MYO6: variants seen among roughly 807,000 people sequenced by gnomAD.
The protein encoded by MYO6 is myosin VI.
Under a neutral mutation model 178.7 loss-of-function variants are expected in MYO6, and 74 were observed. The ratio of observed to expected loss-of-function variants is 0.41; its 90% CI spans 0.34 to 0.50. MYO6 has a LOEUF of 0.50. Ranked by LOEUF, MYO6 falls within the 20% of genes least tolerant of loss-of-function variation. The pLI, the probability that MYO6 is intolerant of heterozygous loss-of-function variation, is 0.09. For missense variants in MYO6, 1,330 were observed against 1,547.4 expected (o/e 0.86, Z 2.36); for synonymous variants, 477 against 504.6 (o/e 0.95, Z 0.73).
At chr6:75,802,049 A>C (rs1341015492) in intron 1 of MYO6, among the ~76,000 whole-genome samples, 1 of 152,246 alleles carries the variant, frequency 6.6e-6, no homozygotes, top group Non-Finnish European at 1.5e-5. Flanking sequence ...GATTCAAGAA[A>C]TGAAAAATTT....
intron 11 of MYO6, among the ~76,000 whole-genome samples, chr6:75,854,936 TC>T (rs1775605304): frequency 6.6e-6 from 1 of 152,136 alleles, no homozygotes; most frequent in East Asian, 1.9e-4. Flanking sequence ...ACCATGGACT[TC>T]CCCAAGGGAG....
chr6:75,898,274 T>A, intron 29 of MYO6, 99 bp from the exon 30 acceptor site: 1 of 773,958 alleles, frequency 1.3e-6, no homozygotes, highest in Non-Finnish European at 2.1e-6. Context: ...TGTTAAATAA[T>A]ATTGAAAATA....
At chr6:75,904,289 G>A (rs1780081650) in intron 30 of MYO6, among the ~76,000 whole-genome samples, 1 of 150,034 alleles carries the variant, frequency 6.7e-6, no homozygotes, top group African/African-American at 2.4e-5. Flanking sequence ...TGCTAGATTG[G>A]GTAAGTTCTC....
chr6:75,898,487 C>G (rs936868869), intron 30 of MYO6, 76 bp downstream of exon 30: 133 of 1,245,964 alleles, frequency 1.1e-4, no homozygotes, highest in Non-Finnish European at 1.5e-4. Flanking sequence ...ATTATTTGGA[C>G]CAGAACCTGT....
At chr6:75,813,181 A>C (rs1415618401) in intron 1 of MYO6, among the ~76,000 whole-genome samples, 1 of 152,140 alleles carries the variant, frequency 6.6e-6, no homozygotes, top group Non-Finnish European at 1.5e-5. Flanking sequence ...CAGGGCCTGG[A>C]ATCAAGAACC....
At chr6:75,775,336 C>A (rs1401601293) in intron 1 of MYO6, among the ~76,000 whole-genome samples, 2 of 152,172 alleles carry the variant, frequency 1.3e-5, no homozygotes, top group Admixed American at 1.3e-4. Flanking sequence ...TGCAGGTCAC[C>A]TCTGGGTCAA....
chr6:75,862,171 G>A (rs1776263762), intron 15 of MYO6, among the ~76,000 whole-genome samples: 1 of 152,346 alleles, frequency 6.6e-6, no homozygotes, highest in South Asian at 2.1e-4. Context: ...AAAATGTGTT[G>A]TTACAGATTT....
chr6:75,850,185 C>A (rs1775126654), intron 11 of MYO6, among the ~76,000 whole-genome samples: 1 of 151,970 alleles, frequency 6.6e-6, no homozygotes, highest in Admixed American at 6.6e-5. Context: ...CTTCCTGAGC[C>A]CCTACTCGAC....
At chr6:75,907,549 T>C in intron 30 of MYO6, 56 bp from the exon 31 acceptor site, 1 of 1,359,018 alleles carries the variant, frequency 7.4e-7, no homozygotes, top group Non-Finnish European at 1.1e-6. Context: ...GCCTCTTTAG[T>C]CAATGTTTTC....
At chr6:75,840,526 C>A in intron 7 of MYO6, 59 bp from the exon 8 acceptor site, 1 of 1,062,130 alleles carries the variant, frequency 9.4e-7, no homozygotes, top group Non-Finnish European at 1.5e-6. Context: ...ATATACCATG[C>A]ATATTTTGTA....
chr6:75,775,293 CA>C lies in MYO6; in HGVS notation c.-48+25873del, dbSNP rs1766270466. ...GAGTCTTCATAATAGCCGAGCTGAG[CA>C]AATTCTTCCATAGCAGGCACAGAAG... On this transcript the variant is annotated intron_variant, in intron 1 of 34. Coordinates refer to ENST00000369977, the MANE Select transcript of MYO6 (RefSeq NM_004999.4). 4.6e-5 allele frequency among the ~76,000 whole-genome samples: 7 copies of C among 152,260 alleles called. No individual in the cohort carries two copies. The South Asian group carries it at 1.5e-3, about 32-fold the overall frequency.
intron 18 of MYO6, among the ~76,000 whole-genome samples, chr6:75,870,304 T>C (rs1435573627): frequency 1.3e-5 from 2 of 152,234 alleles, no homozygotes; most frequent in African/African-American, 4.8e-5. Flanking sequence ...TGATCTCTTA[T>C]TAAATGCATC....
intron 7 of MYO6, among the ~76,000 whole-genome samples, chr6:75,839,522 T>TA (rs1336081979): frequency 6.6e-6 from 1 of 152,052 alleles, no homozygotes; most frequent in Non-Finnish European, 1.5e-5. Context: ...ACATGCTTCA[T>TA]AAAAAAAATT....
chr6:75,896,845 C>T (rs1581940477), intron 29 of MYO6, among the ~76,000 whole-genome samples: 1 of 152,198 alleles, frequency 6.6e-6, no homozygotes, highest in South Asian at 2.1e-4. Flanking sequence ...TTATAGTTAC[C>T]ATTTGAGCTT....
At chr6:75,812,592 C>G (rs1012392818) in intron 1 of MYO6, among the ~76,000 whole-genome samples, 1 of 152,076 alleles carries the variant, frequency 6.6e-6, no homozygotes, top group African/African-American at 2.4e-5. Context: ...ATCCCTACTC[C>G]CCACCCCACT....
intron 14 of MYO6, 127 bp from the exon 15 acceptor site, chr6:75,860,896 A>G (rs570997729): frequency 1.6e-5 from 12 of 751,892 alleles, no homozygotes; most frequent in Non-Finnish European, 2.7e-5. Context: ...TTGGAAAACC[A>G]TTTAAGGCTA....
At position 75,908,596 on chromosome 6, in the gene MYO6, G is replaced by A; in HGVS notation, c.3381G>A (p.Glu1127=). ...ACAAGAAGAGAAATACTGAAACAGA[G>A]CAACGTGCTCCAAAGTCTGTTACTG... ...SKNKKRNTET[E]QRAPKSVTDY... is the part of the protein sequence containing the mutation. The change falls in exon 32 of 35, where the codon GAG becomes GAA. Residue 1127 remains glutamate (E), a synonymous_variant. Coordinates refer to ENST00000369977, the MANE Select transcript of MYO6 (RefSeq NM_004999.4). 2 of 1,613,526 alleles carry A rather than the reference G, an allele frequency of 1.2e-6. No individual in the cohort carries two copies. Among genetic ancestry groups the A allele is most frequent in the Non-Finnish European group, 1.7e-6 (2 of 1,179,666 alleles).
At chr6:75,800,970 C>G (rs755870523) in intron 1 of MYO6, among the ~76,000 whole-genome samples, 5 of 152,216 alleles carry the variant, frequency 3.3e-5, no homozygotes, top group Non-Finnish European at 7.3e-5. Context: ...ATCCACCTGC[C>G]TCTGCCTTCT....
At chr6:75,866,240 T>C (rs917671605) in intron 16 of MYO6, among the ~76,000 whole-genome samples, 3 of 151,070 alleles carry the variant, frequency 2.0e-5, no homozygotes, top group African/African-American at 7.3e-5. Flanking sequence ...TGTGTTTTTT[T>C]TTGGGTCTCT....
Sources: allele counts gnomAD v4.1 joint callset (sites outside exome capture counted in the v4.1 genomes callset), GRCh38; gene constraint gnomAD v4.1.1; transcripts MANE v1.5; gene names NCBI Gene and HGNC (gene_info 2026-07-23, HGNC 2026-07-21).